The following DACH2 variants were observed in gnomAD, a reference collection of about 807,000 sequenced individuals.
DACH2 encodes dachshund family transcription factor 2.
In DACH2, 17 loss-of-function variants were observed where a neutral mutation model predicts 35.8. That is an observed-to-expected ratio of 0.48 (90% CI 0.33 to 0.71). The LOEUF is 0.71. Ranked by LOEUF, DACH2 falls within the 30% of genes least tolerant of loss-of-function variation. DACH2 has a pLI of 0.02. For synonymous variants in DACH2, 195 were observed against 177.3 expected, an observed-to-expected ratio of 1.10 and a Z score of -0.79; for missense variants, 469 against 472.7, an observed-to-expected ratio of 0.99 and a Z score of 0.07.
At chrX:86,272,046 A>T (rs1167970274) in intron 1 of DACH2, among the ~76,000 whole-genome samples, 1 of 111,583 alleles carries the variant, frequency 9.0e-6, no homozygotes, top group Non-Finnish European at 1.9e-5. Context: ...CCATGTTTAC[A>T]CATTATTTAG....
intron 1 of DACH2, among the ~76,000 whole-genome samples, chrX:86,277,885 A>G (rs988541630): frequency 1.1e-3 from 58 of 52,845 alleles, no homozygotes; most frequent in Non-Finnish European, 1.6e-3. Context: ...TCATGAACTG[A>G]GCAAAAATAA....
chrX:86,805,518 A>G (rs757674491), intron 7 of DACH2, among the ~76,000 whole-genome samples: 1 of 111,195 alleles, frequency 9.0e-6, no homozygotes, highest in African/African-American at 3.3e-5. Context: ...TACTTATGCA[A>G]ATTTCTTCAG....
intron 2 of DACH2, among the ~76,000 whole-genome samples, chrX:86,399,453 G>T (rs757678194): frequency 3.0e-4 from 34 of 111,737 alleles, no homozygotes; most frequent in Non-Finnish European, 4.7e-4. Context: ...TTGCTCGTTA[G>T]TTGATGCAGT....
At chrX:86,625,733 AAG>A (rs2040128204) in intron 3 of DACH2, among the ~76,000 whole-genome samples, 1 of 111,319 alleles carries the variant, frequency 9.0e-6, no homozygotes, top group Non-Finnish European at 1.9e-5. Flanking sequence ...GGCAGCAAGC[AAG>A]AGAGAGTTTG....
At chrX:86,524,463 G>A (rs926989935) in intron 3 of DACH2, among the ~76,000 whole-genome samples, 7 of 111,981 alleles carry the variant, frequency 6.3e-5, no homozygotes, top group African/African-American at 2.3e-4. Flanking sequence ...ATTCTTGGGT[G>A]CTCACAAAGA....
At chrX:86,386,301 A>G (rs1476722380) in intron 2 of DACH2, among the ~76,000 whole-genome samples, 1 of 111,554 alleles carries the variant, frequency 9.0e-6, no homozygotes, top group African/African-American at 3.3e-5. Context: ...GAAAGACCCC[A>G]GAGGCAAAAT....
intron 3 of DACH2, among the ~76,000 whole-genome samples, chrX:86,609,592 A>C (rs1228236306): frequency 1.8e-5 from 2 of 111,407 alleles, no homozygotes; most frequent in Non-Finnish European, 3.8e-5. Flanking sequence ...TCTTGTTTGT[A>C]CCTTCTTTCT....
At chrX:86,623,767 C>CT (rs2040095398) in intron 3 of DACH2, among the ~76,000 whole-genome samples, 88 of 108,427 alleles carry the variant, frequency 8.1e-4, no homozygotes, top group Middle Eastern at 4.7e-3. Flanking sequence ...TAAAAAGTGG[C>CT]GGCCGGGCGC....
rs569732666 is a variant in DACH2, at chrX:86,719,138, A to G, written c.1104+4418A>G. On this transcript the variant is annotated intron_variant, in intron 6 of 11. Transcript: ENST00000373125. Reference sequence around the variant, plus strand: ...ATTTTTCCATTTGTTTTTGACATCTACAATTACTTTCACCAGTGTTTTGTA... The same window carrying G: ...ATTTTTCCATTTGTTTTTGACATCTGCAATTACTTTCACCAGTGTTTTGTA... 8.9e-5 allele frequency among the ~76,000 whole-genome samples: 10 copies of G among 112,042 alleles called. No individual in the cohort carries two copies. The East Asian group carries it at 2.0e-3, about 22-fold the overall frequency.
intron 2 of DACH2, among the ~76,000 whole-genome samples, chrX:86,420,788 T>A (rs1377945866): frequency 9.0e-6 from 1 of 111,599 alleles, no homozygotes; most frequent in Admixed American, 9.6e-5. Flanking sequence ...CACTGAGACA[T>A]GAATTAATAA....
chrX:86,617,231 C>T (rs1204900312), intron 3 of DACH2, among the ~76,000 whole-genome samples: 1 of 110,944 alleles, frequency 9.0e-6, no homozygotes, highest in African/African-American at 3.3e-5. Context: ...CTTAGGATTG[C>T]CTTGGCTATT....
At chrX:86,309,333 G>C (rs2034751858) in intron 1 of DACH2, among the ~76,000 whole-genome samples, 1 of 112,260 alleles carries the variant, frequency 8.9e-6, no homozygotes, top group Admixed American at 9.4e-5. Context: ...ACATCACCTG[G>C]TACCTGGTAT....
intron 3 of DACH2, among the ~76,000 whole-genome samples, chrX:86,554,128 T>C (rs2039086365): frequency 9.0e-6 from 1 of 111,680 alleles, no homozygotes; most frequent in Non-Finnish European, 1.9e-5. Flanking sequence ...GTTACATAAA[T>C]GTATGAACAC....
rs60337252 is a variant in DACH2, at chrX:86,309,994, G to T, written c.489-66830G>T. Reference sequence around the variant, plus strand: ...TGAGGTTTCAGTGTCAGATAGGGATGCTGTTTGGAGCCCTTGGCAGGCTCC... The same window carrying T: ...TGAGGTTTCAGTGTCAGATAGGGATTCTGTTTGGAGCCCTTGGCAGGCTCC... On this transcript the variant is annotated intron_variant, in intron 1 of 11. Coordinates refer to ENST00000373125, the MANE Select transcript of DACH2 (RefSeq NM_053281.3). 3.0e-3 allele frequency among the ~76,000 whole-genome samples: 340 copies of T among 112,430 alleles called. 1 individual carries two copies. The highest frequency in any genetic ancestry group is 0.011 in the African/African-American group (334 of 31,012).
chrX:86,672,053 A>G (rs1056337542), intron 4 of DACH2, among the ~76,000 whole-genome samples: 1 of 112,176 alleles, frequency 8.9e-6, no homozygotes, highest in Non-Finnish European at 1.9e-5. Context: ...CATTGTGCCC[A>G]TGCTCTAGGT....
Position 86,380,104 on chromosome X carries a change from CT to C in DACH2, c.527+3249del, listed in dbSNP as rs760717219. 4.0e-3 allele frequency among the ~76,000 whole-genome samples: 443 copies of C among 110,629 alleles called. 2 individuals carry two copies. Among genetic ancestry groups the C allele is most frequent in the African/African-American group, 0.014 (422 of 30,763 alleles). On this transcript the variant is annotated intron_variant, in intron 2 of 11. Transcript: ENST00000373125. Reference sequence around the variant, plus strand: ...AAAATATTGATGAACAATTAATCCTCTTTTTTTGCCAAGACATAATAATATT... The same window carrying C: ...AAAATATTGATGAACAATTAATCCTCTTTTTTGCCAAGACATAATAATATT...
intron 3 of DACH2, among the ~76,000 whole-genome samples, chrX:86,625,209 A>AGTGT (rs72281959): frequency 0.014 from 1,204 of 85,486 alleles, 17 homozygotes; most frequent in South Asian, 0.023. Flanking sequence ...AAACCTTCTT[A>AGTGT]GTGTGTGTGT....
At chrX:86,307,316 A>G (rs766453602) in intron 1 of DACH2, among the ~76,000 whole-genome samples, 1 of 111,955 alleles carries the variant, frequency 8.9e-6, no homozygotes, top group South Asian at 3.8e-4. Flanking sequence ...AGTTCTTATC[A>G]TGAAAGTGGT....
At chrX:86,280,329 C>G (rs2034000077) in intron 1 of DACH2, among the ~76,000 whole-genome samples, 1 of 111,841 alleles carries the variant, frequency 8.9e-6, no homozygotes, top group African/African-American at 3.2e-5. Flanking sequence ...ATTTTCAACC[C>G]AGAGTTTCAT....
Sources: allele counts gnomAD v4.1 joint callset (sites outside exome capture counted in the v4.1 genomes callset), GRCh38; gene constraint gnomAD v4.1.1; transcripts MANE v1.5; gene names NCBI Gene and HGNC (gene_info 2026-07-23, HGNC 2026-07-21).